The following IL1RAP variants were observed in gnomAD, a reference collection of about 807,000 sequenced individuals.
The protein encoded by IL1RAP is interleukin 1 receptor accessory protein, also known as interleukin-1 receptor accessory protein.
A neutral mutation model predicts 60.7 loss-of-function variants in IL1RAP; 35 were observed. The observed-to-expected ratio is 0.58, with a 90% CI of 0.44 to 0.76. The LOEUF (loss-of-function observed/expected upper bound fraction) is 0.76. Ranked by LOEUF, IL1RAP falls within the 30% of genes least tolerant of loss-of-function variation. The probability of loss-of-function intolerance (pLI) is 0.00; values close to 1 mark genes in which losing one functional copy is unlikely to be tolerated. For synonymous variants in IL1RAP, 268 were observed against 250.9 expected (o/e 1.07, Z -0.64); for missense variants, 572 against 693.9 (o/e 0.82, Z 1.97).
At chr3:190,591,226 C>CA (rs1560195267) in intron 3 of IL1RAP, among the ~76,000 whole-genome samples, 1 of 152,160 alleles carries the variant, frequency 6.6e-6, no homozygotes, top group Non-Finnish European at 1.5e-5. Flanking sequence ...AAACACATTA[C>CA]CAGTGTTGCC....
At chr3:190,603,580 G>C (rs928274447) in intron 3 of IL1RAP, among the ~76,000 whole-genome samples, 1 of 152,156 alleles carries the variant, frequency 6.6e-6, no homozygotes, top group Non-Finnish European at 1.5e-5. Flanking sequence ...TTATATTTTG[G>C]ATATATTGGG....
At chr3:190,643,711 T>C (rs1197246857) in intron 9 of IL1RAP, among the ~76,000 whole-genome samples, 1 of 152,176 alleles carries the variant, frequency 6.6e-6, no homozygotes, top group Non-Finnish European at 1.5e-5. Flanking sequence ...TGAGGCCGAT[T>C]TCCAAGTAGA....
chr3:190,528,722 A>G (rs886113609), intron 1 of IL1RAP, among the ~76,000 whole-genome samples: 19 of 152,250 alleles, frequency 1.2e-4, no homozygotes, highest in Admixed American at 1.2e-3. Flanking sequence ...GTACTTTGAA[A>G]AGATATATAA....
At chr3:190,657,208 A>G (rs1734646258) in exon 12 of IL1RAP, 1 of 152,182 alleles carries the variant, frequency 6.6e-6, no homozygotes, top group Non-Finnish European at 1.5e-5. Flanking sequence ...TTTTATTTGT[A>G]CTAACAAATT....
intron 1 of IL1RAP, among the ~76,000 whole-genome samples, chr3:190,533,068 C>T (rs1458464113): frequency 4.6e-5 from 7 of 152,108 alleles, no homozygotes; most frequent in Admixed American, 2.0e-4. Context: ...AGTTCCATGA[C>T]GTTATGGAAA....
exon 12 of IL1RAP, chr3:190,659,426 T>G (rs556090730): frequency 6.6e-6 from 1 of 152,166 alleles, no homozygotes; most frequent in African/African-American, 2.4e-5. Context: ...TTCTACTGTA[T>G]GGAGAAAGGA....
intron 3 of IL1RAP, among the ~76,000 whole-genome samples, chr3:190,565,618 C>G (rs1051142204): frequency 4.6e-5 from 7 of 152,144 alleles, no homozygotes; most frequent in Non-Finnish European, 8.8e-5. Context: ...TTTGGGGCTT[C>G]ACAGAGGAAT....
intron 3 of IL1RAP, among the ~76,000 whole-genome samples, chr3:190,582,958 A>G (rs1022435926): frequency 6.6e-6 from 1 of 152,034 alleles, no homozygotes; most frequent in Non-Finnish European, 1.5e-5. Flanking sequence ...TTCTTCCTTC[A>G]CACACTCTCC....
chr3:190,591,772 A>G (rs1010107049), intron 3 of IL1RAP, among the ~76,000 whole-genome samples: 1 of 152,158 alleles, frequency 6.6e-6, no homozygotes, highest in Non-Finnish European at 1.5e-5. Context: ...GAATTTTTAC[A>G]TCTTAATCAT....
At chr3:190,518,095 T>TA (rs1194295661) in intron 1 of IL1RAP, 81 of 150,580 alleles carry the variant, frequency 5.4e-4, no homozygotes, top group African/African-American at 2.0e-3. Context: ...TTTTTTTTTT[T>TA]AAATGATAAT....
At chr3:190,534,913 T>TAAAAAAAAAAAA (rs77663032) in intron 1 of IL1RAP, among the ~76,000 whole-genome samples, 3 of 127,514 alleles carry the variant, frequency 2.4e-5, no homozygotes, top group Admixed American at 7.8e-5. Flanking sequence ...GTAAGAGAAT[T>TAAAAAAAAAAAA]AAAAAAAAAA....
chr3:190,515,429 G>T (rs1053042338), intron 1 of IL1RAP, among the ~76,000 whole-genome samples: 1 of 152,060 alleles, frequency 6.6e-6, no homozygotes, highest in Non-Finnish European at 1.5e-5. Flanking sequence ...TGGGTTTTCA[G>T]AAAGGTGATT....
chr3:190,608,703 T>C (rs1447583769), intron 4 of IL1RAP, among the ~76,000 whole-genome samples: 1 of 152,176 alleles, frequency 6.6e-6, no homozygotes, highest in Non-Finnish European at 1.5e-5. Flanking sequence ...TTAACTGAAA[T>C]GTCATCGTGT....
chr3:190,655,937 T>C, downstream of IL1RAP: 1 of 1,537,394 alleles, frequency 6.5e-7, no homozygotes, highest in Non-Finnish European at 8.7e-7. Context: ...AGAAGGATGA[T>C]TGTTGTTCTG....
At chr3:190,551,129 C>T (rs778819636) in intron 1 of IL1RAP, among the ~76,000 whole-genome samples, 9 of 152,140 alleles carry the variant, frequency 5.9e-5, no homozygotes, top group Non-Finnish European at 1.3e-4. Flanking sequence ...AGCTCTTGGG[C>T]CTGTTAGAAA....
At chr3:190,585,379 C>T (rs1004377637) in intron 3 of IL1RAP, among the ~76,000 whole-genome samples, 4 of 152,162 alleles carry the variant, frequency 2.6e-5, no homozygotes, top group African/African-American at 7.2e-5. Context: ...CATTTGACTT[C>T]GTTTAATAAC....
At chr3:190,520,345 G>A (rs1232278435) in intron 1 of IL1RAP, among the ~76,000 whole-genome samples, 2 of 152,132 alleles carry the variant, frequency 1.3e-5, no homozygotes, top group South Asian at 4.1e-4. Flanking sequence ...GTCAAAGTTT[G>A]CCTCTACAGA....
rs1197385760 is a variant in IL1RAP at position 190,651,172 on chromosome 3, T to TA, written c.*2475dup. The stretch of plus-strand genomic sequence containing the variant: ...GAACAAACCATGTCTCAAATTTTTT[T>TA]AAAAAAAATTAATGGTTTTAAATAT... On this transcript the variant is annotated 3_prime_UTR_variant, in exon 12 of 12. Coordinates refer to ENST00000447382, the MANE Select transcript of IL1RAP (RefSeq NM_002182.4). The TA allele has an allele frequency of 5.6e-5, 55 of 981,098 alleles. No individual in the cohort carries two copies. Among genetic ancestry groups the TA allele is most frequent in the South Asian group, 1.9e-4 (4 of 21,216 alleles). 60.8% of individuals were successfully genotyped at this position (981,098 alleles called of 1,614,324 possible).
chr3:190,625,374 A>G (rs1311101258), intron 7 of IL1RAP, among the ~76,000 whole-genome samples: 1 of 152,146 alleles, frequency 6.6e-6, no homozygotes, highest in African/African-American at 2.4e-5. Context: ...TAGAATTAAC[A>G]TGAGTAGGAG....
Sources: gnomAD v4.1 joint callset for allele counts (sites outside exome capture counted in the v4.1 genomes callset) on GRCh38, gnomAD v4.1.1 for gene constraint, MANE v1.5 for transcripts, NCBI Gene and HGNC (gene_info 2026-07-23, HGNC 2026-07-21) for gene names.